Variants in VWDE observed in about 807,000 individuals in gnomAD.
VWDE encodes the protein von Willebrand factor D and EGF domains, also known as von Willebrand factor D and EGF domain-containing protein.
VWDE carries 207 observed loss-of-function variants against 178.4 expected under a neutral mutation model. The ratio of observed to expected loss-of-function variants is 1.16; its 90% CI spans 1.04 to 1.30. The LOEUF is 1.30. Ranked by LOEUF, VWDE falls within the 50% of genes most tolerant of loss-of-function variation. The pLI is 0.00. For missense variants in VWDE, 2,287 were observed against 1,901.3 expected (o/e 1.20, Z -3.77); for synonymous variants, 738 against 651.4 (o/e 1.13, Z -2.02).
At chr7:12,366,381 A>T (rs1291309336) in intron 13 of VWDE, among the ~76,000 whole-genome samples, 1 of 151,710 alleles carries the variant, frequency 6.6e-6, no homozygotes, top group Non-Finnish European at 1.5e-5. Flanking sequence ...AGAGAATATA[A>T]ATCTACAAAA....
At chr7:12,364,529 G>T (rs1782755271) in intron 13 of VWDE, among the ~76,000 whole-genome samples, 1 of 152,080 alleles carries the variant, frequency 6.6e-6, no homozygotes, top group African/African-American at 2.4e-5. Flanking sequence ...AATTTAAACA[G>T]CCAAATAAAG....
In VWDE at chr7:12,365,548, G is replaced by A. The variant is rs116206800; in HGVS notation, c.2898+1809C>T. 6.1e-3 allele frequency among the ~76,000 whole-genome samples: 928 copies of A among 152,212 alleles called. 9 individuals are homozygous for A. The highest frequency in any genetic ancestry group is 0.021 in the African/African-American group (866 of 41,542). On this transcript the variant is annotated intron_variant, in intron 13 of 28. Transcript: ENST00000275358. The stretch of plus-strand genomic sequence containing the variant: ...ACTGAAATTTGAACTAAGAAGGTGA[G>A]CAGGAATCGATTCACGTTGACTGAA...
chr7:12,333,717 T>A, intron 27 of VWDE, 149 bp from the exon 28 acceptor site: 1 of 556,420 alleles, frequency 1.8e-6, no homozygotes, highest in Non-Finnish European at 3.2e-6. Flanking sequence ...GGATCTAATC[T>A]ATGTACTCTT....
At chr7:12,383,953 A>T (rs1182827310) in intron 3 of VWDE, among the ~76,000 whole-genome samples, 1 of 152,172 alleles carries the variant, frequency 6.6e-6, no homozygotes, top group Non-Finnish European at 1.5e-5. Context: ...GTGGTTTCTT[A>T]CAGAACTAAA....
intron 15 of VWDE, among the ~76,000 whole-genome samples, chr7:12,360,208 T>C (rs1782499923): frequency 6.6e-6 from 1 of 152,140 alleles, no homozygotes; most frequent in South Asian, 2.1e-4. Flanking sequence ...GAGATGCTGA[T>C]AAGCACAGAA....
intron 16 of VWDE, among the ~76,000 whole-genome samples, chr7:12,359,351 G>A (rs567642587): frequency 6.6e-6 from 1 of 152,244 alleles, no homozygotes; most frequent in South Asian, 2.1e-4. Context: ...ATTGTGTGTA[G>A]CTGAGTTAAT....
chr7:12,348,575 A>G (rs1781746645), intron 19 of VWDE, among the ~76,000 whole-genome samples: 1 of 150,486 alleles, frequency 6.6e-6, no homozygotes. Flanking sequence ...GTCAGGAAAC[A>G]ACAGGTACTG....
chr7:12,341,154 T>C (rs548380040), intron 23 of VWDE, among the ~76,000 whole-genome samples: 2,836 of 152,278 alleles, frequency 0.019, 83 homozygotes, highest in African/African-American at 0.064. Flanking sequence ...AATTTTATAA[T>C]TCTGTCACTA....
At chr7:12,396,778 A>C (rs974945932) in intron 1 of VWDE, among the ~76,000 whole-genome samples, 2 of 151,892 alleles carry the variant, frequency 1.3e-5, no homozygotes, top group Non-Finnish European at 2.9e-5. Flanking sequence ...AAATACAAAA[A>C]TACAAAATCA....
intron 17 of VWDE, among the ~76,000 whole-genome samples, chr7:12,357,001 T>G (rs867331631): frequency 5.9e-5 from 9 of 152,174 alleles, no homozygotes; most frequent in African/African-American, 1.9e-4. Flanking sequence ...GCTGAAGGAG[T>G]TCTTTATTCT....
At chr7:12,348,776 T>C (rs1249410598) in intron 19 of VWDE, among the ~76,000 whole-genome samples, 10 of 151,226 alleles carry the variant, frequency 6.6e-5, no homozygotes, top group South Asian at 2.1e-4. Context: ...CACATGCACA[T>C]GTATGTTTAT....
chr7:12,377,372 G>T (rs548767440), intron 7 of VWDE, among the ~76,000 whole-genome samples: 5 of 152,118 alleles, frequency 3.3e-5, no homozygotes, highest in East Asian at 3.9e-4. Context: ...AACTTTTAAC[G>T]TAACTTATCA....
intron 16 of VWDE, among the ~76,000 whole-genome samples, chr7:12,357,742 T>G (rs534678467): frequency 6.6e-6 from 1 of 152,158 alleles, no homozygotes; most frequent in Non-Finnish European, 1.5e-5. Flanking sequence ...TATGAAAGTA[T>G]GAAATCACTT....
rs768610830 is a variant in VWDE at position 12,344,489 on chromosome 7, A to G, written c.3887-20T>C. On this transcript the variant is annotated intron_variant, in intron 19 of 28. Coordinates refer to ENST00000275358, the MANE Select transcript of VWDE (RefSeq NM_001135924.3). ...AAATGGCTAAAAAAAAATCAAAGAA[A>G]AAAAGGTTGATTGCTAAAACAGAAC... is the stretch of plus-strand genomic sequence containing the variant. 103 of 1,531,978 alleles carry G rather than the reference A, an allele frequency of 6.7e-5. No individual in the cohort carries two copies. The highest frequency in any genetic ancestry group is 8.6e-5 in the Non-Finnish European group (98 of 1,133,294). The allele number at this position is 1,531,978 out of a possible 1,614,324, so 94.9% of individuals were successfully genotyped here. A position where few individuals can be genotyped will look rare whatever the true frequency, so the allele number is the denominator to read the frequency against.
intron 10 of VWDE, 63 bp downstream of exon 10, chr7:12,372,914 A>C: frequency 1.1e-5 from 16 of 1,431,616 alleles, no homozygotes; most frequent in African/African-American, 1.4e-5. Context: ...CTAATTTAAT[A>C]GAGATGTTTA....
intron 2 of VWDE, among the ~76,000 whole-genome samples, chr7:12,390,231 A>T (rs1398486089): frequency 6.6e-6 from 1 of 151,998 alleles, no homozygotes; most frequent in Non-Finnish European, 1.5e-5. Context: ...AATCCTTTTC[A>T]GATAAAAAAT....
chr7:12,341,303 A>C (rs2128546469), intron 23 of VWDE, among the ~76,000 whole-genome samples: 1 of 152,300 alleles, frequency 6.6e-6, no homozygotes, highest in East Asian at 1.9e-4. Flanking sequence ...ATAATGAATT[A>C]GATCAAACAT....
intron 20 of VWDE, 26 bp downstream of exon 20, chr7:12,344,348 G>A (rs1008607934): frequency 1.3e-6 from 2 of 1,547,298 alleles, no homozygotes; most frequent in Non-Finnish European, 1.7e-6. Context: ...AATTTATCAT[G>A]CAAACTAATG....
intron 13 of VWDE, among the ~76,000 whole-genome samples, chr7:12,363,236 G>A (rs2128553824): frequency 6.6e-6 from 1 of 152,164 alleles, no homozygotes; most frequent in East Asian, 1.9e-4. Context: ...AAAATAAAAA[G>A]GGAGACTGCT....
Sources: allele counts gnomAD v4.1 joint callset (sites outside exome capture counted in the v4.1 genomes callset), GRCh38; gene constraint gnomAD v4.1.1; transcripts MANE v1.5; gene names NCBI Gene and HGNC (gene_info 2026-07-23, HGNC 2026-07-21).